NDUFA10: variants seen among roughly 807,000 people sequenced by gnomAD.
The protein encoded by NDUFA10 is NADH dehydrogenase [ubiquinone] 1 alpha subcomplex subunit 10, mitochondrial.
Under a neutral mutation model 47.8 loss-of-function variants are expected in NDUFA10, and 40 were observed. The ratio of observed to expected loss-of-function variants is 0.84; its 90% confidence interval spans 0.65 to 1.09. The LOEUF (loss-of-function observed/expected upper bound fraction) is 1.09, where lower values mean the gene tolerates loss of function less well. Among genes scored for constraint, NDUFA10 ranks in the 50% least tolerant of loss-of-function variants. The probability of loss-of-function intolerance (pLI) is 0.00; values close to 1 mark genes in which losing one functional copy is unlikely to be tolerated. For synonymous variants in NDUFA10, 183 were observed against 172.2 expected, an observed-to-expected ratio of 1.06 and a Z score of -0.49; for missense variants, 413 against 451.1, an observed-to-expected ratio of 0.92 and a Z score of 0.76.
intron 9 of NDUFA10, among the ~76,000 whole-genome samples, chr2:239,968,020 T>G (rs2106404349): frequency 8.4e-6 from 1 of 119,394 alleles, no homozygotes; most frequent in East Asian, 2.9e-4. Flanking sequence ...AGTCACTCAT[T>G]CTAATGGAGG....
Position 240,014,857 on chromosome 2 carries a change from AC to A in NDUFA10, c.550del (p.Val184TrpfsTer7). 1 of 1,614,206 alleles carries A rather than the reference AC, an allele frequency of 6.2e-7. No homozygotes were observed. The highest frequency in any genetic ancestry group is 8.5e-7 in the Non-Finnish European group (1 of 1,180,024). ...YNQGFIRKQC[V>X]DHYNEVKSVT... ...GCTCTTCACCTCGTTGTAGTGGTCCACACCTGGCACATAGGAGAAAGGGGCG... is the reference window on the plus strand; with the variant it reads ...GCTCTTCACCTCGTTGTAGTGGTCCAACCTGGCACATAGGAGAAAGGGGCG... On this transcript the variant is annotated frameshift_variant and splice_region_variant, in exon 5 of 10. Transcript: ENST00000252711. LOFTEE classifies it high-confidence loss of function.
intron 4 of NDUFA10, among the ~76,000 whole-genome samples, chr2:239,913,001 C>A (rs552704201): frequency 6.6e-6 from 1 of 152,240 alleles, no homozygotes; most frequent in Non-Finnish European, 1.5e-5. Flanking sequence ...CTGTGGAAAG[C>A]AAGTGGCAGG....
chr2:239,899,928 T>C (rs1218022724), intron 4 of NDUFA10, among the ~76,000 whole-genome samples: 1 of 147,544 alleles, frequency 6.8e-6, no homozygotes, highest in Non-Finnish European at 1.5e-5. Flanking sequence ...CCCACCCATC[T>C]TAAAAAGTCA....
chr2:239,999,399 T>C (rs1209239103), intron 8 of NDUFA10, among the ~76,000 whole-genome samples: 1 of 152,202 alleles, frequency 6.6e-6, no homozygotes, highest in Non-Finnish European at 1.5e-5. Flanking sequence ...GCTCCTTGCA[T>C]CCGAGGGGCT....
rs1694724986 is a variant in NDUFA10 at position 239,958,585 on chromosome 2, C to T, written c.*2533G>A. 1.3e-5 allele frequency: 2 copies of T among 152,344 alleles called. No homozygotes were observed. Among genetic ancestry groups the T allele is most frequent in the East Asian group, 3.9e-4 (2 of 5,174 alleles). 9.4% of individuals were successfully genotyped at this position (152,344 alleles called of 1,614,324 possible). On this transcript the variant is annotated 3_prime_UTR_variant, in exon 10 of 10. Transcript: ENST00000252711. ...GGAGGTTCCACAGCTGCCTGGTGGACAGCAGCCAGCAGCCTGGCAGCGTGG... is the reference window on the plus strand; with the variant it reads ...GGAGGTTCCACAGCTGCCTGGTGGATAGCAGCCAGCAGCCTGGCAGCGTGG...
chr2:240,006,899 G>GTTT (rs1472725022), intron 7 of NDUFA10, among the ~76,000 whole-genome samples: 2 of 152,176 alleles, frequency 1.3e-5, no homozygotes, highest in African/African-American at 4.8e-5. Flanking sequence ...TTCTTCAGAT[G>GTTT]TTTTAATGTT....
At chr2:239,899,466 C>CGGAGGGGTGTGATGGAGAGGTGTGAT (rs746465151) in intron 4 of NDUFA10, among the ~76,000 whole-genome samples, 11 of 75,746 alleles carry the variant, frequency 1.5e-4, no homozygotes, top group East Asian at 6.4e-4. Flanking sequence ...AGGGGTGTGA[C>CGGAGGGGTGTGATGGAGAGGTGTGAT]GGAGGGGTGT....
downstream of NDUFA10, among the ~76,000 whole-genome samples, chr2:239,957,113 C>T (rs1200006937): frequency 6.6e-6 from 1 of 152,182 alleles, no homozygotes; most frequent in African/African-American, 2.4e-5. Context: ...CCACTGCGGG[C>T]TCGCCAAGTC....
intron 8 of NDUFA10, among the ~76,000 whole-genome samples, chr2:240,000,387 A>C (rs1430062097): frequency 6.6e-6 from 1 of 152,116 alleles, no homozygotes; most frequent in East Asian, 1.9e-4. Flanking sequence ...TTGTATCTTA[A>C]CTAACAACAA....
chr2:239,976,930 C>G (rs565143993), intron 9 of NDUFA10, among the ~76,000 whole-genome samples: 1 of 152,282 alleles, frequency 6.6e-6, no homozygotes, highest in South Asian at 2.1e-4. Context: ...ACCCAAACAG[C>G]AGCTGTGCAC....
intron 9 of NDUFA10, among the ~76,000 whole-genome samples, chr2:239,974,584 C>T (rs1433068116): frequency 6.6e-6 from 1 of 152,230 alleles, no homozygotes; most frequent in Admixed American, 6.5e-5. Context: ...ATCATGCGGG[C>T]TGATCCCTCA....
intron 1 of NDUFA10, among the ~76,000 whole-genome samples, chr2:240,023,321 C>T (rs1485011695): frequency 6.6e-6 from 1 of 152,122 alleles, no homozygotes; most frequent in Non-Finnish European, 1.5e-5. Flanking sequence ...CCAAAAACCA[C>T]ATGAAAAAGT....
At chr2:239,915,963 T>C (rs10933574) in intron 4 of NDUFA10, among the ~76,000 whole-genome samples, 26,725 of 93,334 alleles carry the variant, frequency 0.29, 2,940 homozygotes, top group African/African-American at 0.47. Flanking sequence ...CAGAGATACA[T>C]GGACATACAC....
At chr2:240,025,181 C>T (rs1163808891) in intron 1 of NDUFA10, 46 bp downstream of exon 1, 1 of 618,278 alleles carries the variant, frequency 1.6e-6, no homozygotes, top group Non-Finnish European at 2.3e-6. Flanking sequence ...CCCGCCACCC[C>T]GCCACCCTGC....
intron 9 of NDUFA10, among the ~76,000 whole-genome samples, chr2:239,970,629 A>G (rs1695270555): frequency 6.6e-6 from 1 of 152,280 alleles, no homozygotes; most frequent in South Asian, 2.1e-4. Flanking sequence ...CACAGAGGGC[A>G]GGAACAGCTG....
At position 240,003,750 on chromosome 2, in the gene NDUFA10, A is replaced by T. The variant is rs116594166; in HGVS notation, c.890+1460T>A. Among the ~76,000 whole-genome samples the T allele has an allele frequency of 4.1e-3, 619 of 152,320 alleles. 5 individuals are homozygous for T. Among genetic ancestry groups the T allele is most frequent in the African/African-American group, 0.014 (584 of 41,574 alleles). On this transcript the variant is annotated intron_variant, in intron 8 of 9. Coordinates refer to ENST00000252711, the MANE Select transcript of NDUFA10 (RefSeq NM_004544.4). ...GCACGCTGGATATGAGGCCTGTACC[A>T]GGAACTGGGCGTTGCAGTGATGAGA...
At chr2:239,903,472 G>A (rs6437246) in intron 4 of NDUFA10, among the ~76,000 whole-genome samples, 108,781 of 152,040 alleles carry the variant, frequency 0.72, 39,143 homozygotes, top group East Asian at 0.93. Context: ...TCCCAGGACA[G>A]GGCAGCTCCT....
chr2:239,924,480 C>G (rs996805031), intron 4 of NDUFA10, among the ~76,000 whole-genome samples: 3 of 151,864 alleles, frequency 2.0e-5, no homozygotes, highest in African/African-American at 7.3e-5. Context: ...AGAAAATGTA[C>G]TTGACAAAAG....
chr2:239,898,955 G>A (rs13007117), intron 4 of NDUFA10, among the ~76,000 whole-genome samples: 60,499 of 114,328 alleles, frequency 0.53, 15,727 homozygotes, highest in Middle Eastern at 0.59. Flanking sequence ...GTGTGGAGGG[G>A]TGTGGCAGGG....
Sources: allele counts gnomAD v4.1 joint callset (sites outside exome capture counted in the v4.1 genomes callset), GRCh38; gene constraint gnomAD v4.1.1; transcripts MANE v1.5; gene names NCBI Gene and HGNC (gene_info 2026-07-23, HGNC 2026-07-21).